Variants in TENM3 observed in about 807,000 individuals in gnomAD.
The protein encoded by TENM3 is teneurin-3.
In TENM3, 63 loss-of-function variants were observed where a neutral mutation model predicts 255.1. The ratio of observed to expected loss-of-function variants is 0.25; its 90% CI spans 0.20 to 0.30. The LOEUF (loss-of-function observed/expected upper bound fraction) is 0.30, where lower values mean the gene tolerates loss of function less well. Among genes scored for constraint, TENM3 ranks in the 10% least tolerant of loss-of-function variants. The pLI, the probability that TENM3 is intolerant of heterozygous loss-of-function variation, is 1.00. For synonymous variants in TENM3, 1,306 were observed against 1,322.3 expected (o/e 0.99, Z 0.27); for missense variants, 2,929 against 3,461.1 (o/e 0.85, Z 3.86).
chr4:182,214,528 T>G (rs1205319463), intron 1 of TENM3, among the ~76,000 whole-genome samples: 1 of 151,476 alleles, frequency 6.6e-6, no homozygotes, highest in Non-Finnish European at 1.5e-5. Flanking sequence ...ATTTATTTAT[T>G]TATTTATTTA....
chr4:182,335,432 T>A (rs1211505099), intron 2 of TENM3, among the ~76,000 whole-genome samples: 1 of 130,886 alleles, frequency 7.6e-6, no homozygotes, highest in Non-Finnish European at 1.6e-5. Flanking sequence ...GAGGCGGAGC[T>A]TGCAGTGAGC....
the TENM3 span, among the ~76,000 whole-genome samples, chr4:182,101,164 AAGGG>A: frequency 9.3e-5 from 1 of 10,792 alleles, no homozygotes; most frequent in South Asian, 3.0e-3. Context: ...GGAAGGAAAG[AAGGG>A]AGGGAGGAAG....
At chr4:181,873,894 C>T in the TENM3 span, among the ~76,000 whole-genome samples, 6 of 152,110 alleles carry the variant, frequency 3.9e-5, no homozygotes, top group Admixed American at 1.3e-4. Flanking sequence ...AAGCGATTCT[C>T]CTACCTCAGC....
the TENM3 span, among the ~76,000 whole-genome samples, chr4:181,838,083 A>G: frequency 1.3e-5 from 2 of 151,920 alleles, no homozygotes; most frequent in South Asian, 2.1e-4. Flanking sequence ...GCTTGCAATG[A>G]GCAGAGATCG....
At chr4:182,211,490 T>C (rs1190848812) in intron 1 of TENM3, among the ~76,000 whole-genome samples, 2 of 152,246 alleles carry the variant, frequency 1.3e-5, no homozygotes, top group Admixed American at 6.5e-5. Context: ...ACATAGGCTA[T>C]AGTCTGAGAC....
chr4:182,083,215 G>A, the TENM3 span, among the ~76,000 whole-genome samples: 3 of 152,186 alleles, frequency 2.0e-5, no homozygotes, highest in Non-Finnish European at 4.4e-5. Context: ...CAATTTTACT[G>A]TTAGATATGT....
chr4:182,303,926 C>T lies in TENM3; in HGVS notation c.-75-20020C>T, dbSNP rs148025642. Among the ~76,000 whole-genome samples the T allele has an allele frequency of 5.6e-3, 852 of 152,040 alleles. 6 individuals are homozygous for T. Among genetic ancestry groups the T allele is most frequent in the African/African-American group, 0.02 (809 of 41,484 alleles). The stretch of plus-strand genomic sequence containing the variant: ...GCTTTCCTCTTTTGTTTTTATATTG[C>T]GAGATTATAATTAGAATATCCTGCT... On this transcript the variant is annotated intron_variant, in intron 1 of 27. Coordinates refer to ENST00000511685, the MANE Select transcript of TENM3 (RefSeq NM_001080477.4).
At position 182,793,432 on chromosome 4, in the gene TENM3, A is replaced by C. The variant is rs199520517; in HGVS notation, c.6760A>C (p.Thr2254Pro). The change falls in exon 26 of 28, where the codon ACT becomes CCT. Residue 2254 changes from threonine to proline, a missense_variant. Physicochemically the swap from Thr to Pro is conservative, Grantham distance 38. Around this residue, in one of 6 missense-constraint regions of TENM3, gnomAD observed 256 missense variants for 389.3 expected, o/e 0.66. Transcript: ENST00000511685. This position sits in a 1 kb window ranked among gnomAD's most constrained non-coding sequence, Gnocchi z 5.7. ...QHLQFFYADL[T>P]YPTRITHVYN... ...CCTGCAGTTTTTTTATGCTGACTTA[A>C]CTTATCCCACTAGGATTACTCATGT... The C allele has an allele frequency of 3.2e-5, 51 of 1,613,878 alleles. No homozygotes were observed. Among genetic ancestry groups the C allele is most frequent in the Non-Finnish European group, 3.4e-6 (4 of 1,179,876 alleles).
chr4:181,703,900 G>T, the TENM3 span, among the ~76,000 whole-genome samples: 1 of 152,006 alleles, frequency 6.6e-6, no homozygotes, highest in Admixed American at 6.6e-5. Flanking sequence ...ATGACCCAAT[G>T]GTTCAGTGTC....
At chr4:182,549,670 T>A (rs1443754954) in intron 3 of TENM3, among the ~76,000 whole-genome samples, 2 of 152,194 alleles carry the variant, frequency 1.3e-5, no homozygotes, top group Non-Finnish European at 1.5e-5. Flanking sequence ...TTCTCCACCT[T>A]TGAGATCCTT....
At chr4:181,748,566 C>T in the TENM3 span, among the ~76,000 whole-genome samples, 60,635 of 151,840 alleles carry the variant, frequency 0.4, 13,313 homozygotes, top group East Asian at 0.6. Context: ...TTGCTAGTGA[C>T]GGTTTATACA....
chr4:181,703,301 G>A, the TENM3 span, among the ~76,000 whole-genome samples: 1 of 152,196 alleles, frequency 6.6e-6, no homozygotes, highest in African/African-American at 2.4e-5. Context: ...CTTGTCTACT[G>A]TTAGAGAGCC....
chr4:182,343,394 A>G (rs1764605470), intron 2 of TENM3, among the ~76,000 whole-genome samples: 2 of 152,256 alleles, frequency 1.3e-5, no homozygotes, highest in Non-Finnish European at 2.9e-5. Context: ...AAAGACCGTA[A>G]AAGGCAAAGA....
At chr4:182,393,929 A>T (rs1768620447) in intron 3 of TENM3, among the ~76,000 whole-genome samples, 1 of 152,222 alleles carries the variant, frequency 6.6e-6, no homozygotes, top group South Asian at 2.1e-4. Flanking sequence ...ATGACATACC[A>T]GTCATTTAGA....
chr4:182,353,368 G>A (rs186169289), intron 3 of TENM3, among the ~76,000 whole-genome samples: 2 of 152,146 alleles, frequency 1.3e-5, no homozygotes, highest in Admixed American at 1.3e-4. Context: ...GCATGTAATG[G>A]TCATTTCTGG....
intron 4 of TENM3, among the ~76,000 whole-genome samples, chr4:182,610,382 T>C (rs929967957): frequency 6.6e-6 from 1 of 152,186 alleles, no homozygotes; most frequent in Non-Finnish European, 1.5e-5. Context: ...TTTAAAATCA[T>C]AAAGATTATC....
chr4:182,240,798 G>A (rs966198827), upstream of TENM3, among the ~76,000 whole-genome samples: 9 of 152,168 alleles, frequency 5.9e-5, no homozygotes, highest in African/African-American at 1.9e-4. Context: ...GCCTGGGATG[G>A]AATGCAGCTC....
At chr4:181,666,466 T>C in the TENM3 span, among the ~76,000 whole-genome samples, 5 of 152,242 alleles carry the variant, frequency 3.3e-5, no homozygotes, top group East Asian at 3.9e-4. Context: ...TCAACAATGA[T>C]AGCACAGTGA....
At chr4:182,292,132 C>T (rs1761170535) in intron 1 of TENM3, among the ~76,000 whole-genome samples, 2 of 152,032 alleles carry the variant, frequency 1.3e-5, no homozygotes, top group African/African-American at 2.4e-5. Context: ...AACAATTTGG[C>T]ACTGCTATAT....
Sources: allele counts gnomAD v4.1 joint callset (sites outside exome capture counted in the v4.1 genomes callset), GRCh38; gene constraint gnomAD v4.1.1; regional missense constraint gnomAD v4.1.1; non-coding constraint Gnocchi (gnomAD v3.1); transcripts MANE v1.5; gene names NCBI Gene and HGNC (gene_info 2026-07-23, HGNC 2026-07-21).